The following ZPBP variants were observed in gnomAD, a reference collection of about 807,000 sequenced individuals.
ZPBP encodes the protein zona pellucida binding protein.
ZPBP carries 26 observed loss-of-function variants against 44.8 expected under a neutral mutation model. That is an observed-to-expected ratio of 0.58 (90% CI 0.43 to 0.81). ZPBP has a LOEUF of 0.81. Ranked by LOEUF, ZPBP falls within the 30% of genes least tolerant of loss-of-function variation. The pLI is 0.00. For synonymous variants in ZPBP, 174 were observed against 153.2 expected, an observed-to-expected ratio of 1.14 and a Z score of -1.00; for missense variants, 409 against 434.0, an observed-to-expected ratio of 0.94 and a Z score of 0.51.
At chr7:49,942,018 A>AT (rs1794908283) in intron 7 of ZPBP, among the ~76,000 whole-genome samples, 1 of 152,124 alleles carries the variant, frequency 6.6e-6, no homozygotes, top group East Asian at 1.9e-4. Flanking sequence ...GGAAAGAACA[A>AT]TTTTTTTCAC....
At chr7:49,989,263 G>A (rs749871668) in intron 6 of ZPBP, among the ~76,000 whole-genome samples, 26 of 152,056 alleles carry the variant, frequency 1.7e-4, no homozygotes, top group African/African-American at 5.6e-4. Flanking sequence ...GTCCCTGTAC[G>A]GGGTTCCTAA....
chr7:49,954,813 C>T (rs1267341943), intron 7 of ZPBP, among the ~76,000 whole-genome samples: 1 of 151,932 alleles, frequency 6.6e-6, no homozygotes, highest in Non-Finnish European at 1.5e-5. Flanking sequence ...ACTGATATAA[C>T]AAGTTGAAAA....
At chr7:49,842,172 C>A in the ZPBP span, among the ~76,000 whole-genome samples, 3 of 152,128 alleles carry the variant, frequency 2.0e-5, no homozygotes, top group Non-Finnish European at 1.5e-5. Flanking sequence ...CTGGCCAATT[C>A]AACTCTTTTA....
In ZPBP at chr7:50,058,057, CAT is replaced by C. The variant is rs1801056719; in HGVS notation, c.417_418del (p.Cys140PhefsTer5). ...CACAGTAGGTTTATATTCGAGGAAA[CAT>C]GTATAAATTCCACTCATACTCTCCT... On this transcript the variant is annotated frameshift_variant, in exon 4 of 8. Coordinates refer to ENST00000046087, the MANE Select transcript of ZPBP (RefSeq NM_007009.3). LOFTEE classifies it high-confidence loss of function. 1 of 1,613,486 alleles carries C rather than the reference CAT, an allele frequency of 6.2e-7. No individual in the cohort carries two copies. Among genetic ancestry groups the C allele is most frequent in the Non-Finnish European group, 8.5e-7 (1 of 1,179,700 alleles).
At chr7:49,898,050 A>G (rs1419988763) in intron 2 of ZPBP, among the ~76,000 whole-genome samples, 1 of 152,200 alleles carries the variant, frequency 6.6e-6, no homozygotes, top group Non-Finnish European at 1.5e-5. Context: ...CTGGGTGAAG[A>G]GAAATACTCA....
chr7:49,900,565 A>T (rs1300137089), intron 2 of ZPBP, among the ~76,000 whole-genome samples: 1 of 151,756 alleles, frequency 6.6e-6, no homozygotes, highest in African/African-American at 2.4e-5. Flanking sequence ...AGATGAAATG[A>T]ACCAATTCCT....
intron 3 of ZPBP, among the ~76,000 whole-genome samples, chr7:50,077,204 G>T (rs797019117): frequency 7.0e-6 from 1 of 142,544 alleles, no homozygotes; most frequent in East Asian, 2.0e-4. Context: ...ATATGCAGAA[G>T]AATGAAACCA....
intron 2 of ZPBP, among the ~76,000 whole-genome samples, chr7:50,088,215 C>T (rs1258977343): frequency 6.6e-6 from 1 of 151,936 alleles, no homozygotes; most frequent in African/African-American, 2.4e-5. Flanking sequence ...TAAAACAACT[C>T]GATAGCCATG....
At chr7:50,013,049 C>T (rs1798660014) in intron 6 of ZPBP, among the ~76,000 whole-genome samples, 1 of 151,770 alleles carries the variant, frequency 6.6e-6, no homozygotes, top group African/African-American at 2.4e-5. Flanking sequence ...CCACAAAAAA[C>T]TTAGGAATAA....
chr7:49,875,185 T>A (rs1791349035), intron 2 of ZPBP, among the ~76,000 whole-genome samples: 1 of 151,012 alleles, frequency 6.6e-6, no homozygotes, highest in Admixed American at 6.6e-5. Context: ...GCCTGGCCAA[T>A]ATGGTGAAAC....
intron 7 of ZPBP, among the ~76,000 whole-genome samples, chr7:49,968,950 T>C (rs1242082343): frequency 6.6e-6 from 1 of 151,772 alleles, no homozygotes; most frequent in African/African-American, 2.4e-5. Context: ...TCACAAAAGA[T>C]GACATAATAA....
intron 7 of ZPBP, among the ~76,000 whole-genome samples, chr7:49,975,801 A>G (rs1796486110): frequency 6.6e-6 from 1 of 152,194 alleles, no homozygotes; most frequent in Non-Finnish European, 1.5e-5. Context: ...GGTCTCCAGT[A>G]TCTCAGGAGA....
intron 1 of ZPBP, among the ~76,000 whole-genome samples, chr7:49,924,825 A>ATTTGGGGAG (rs1794167692): frequency 6.6e-6 from 1 of 152,170 alleles, no homozygotes; most frequent in South Asian, 2.1e-4. Context: ...CTGCCCAAGG[A>ATTTGGGGAG]CTTCAGGATT....
intron 7 of ZPBP, among the ~76,000 whole-genome samples, chr7:49,940,078 C>T (rs910041153): frequency 2.0e-5 from 3 of 152,114 alleles, no homozygotes; most frequent in Admixed American, 6.6e-5. Flanking sequence ...TGAATCCCTC[C>T]TTTTCATAAA....
intron 7 of ZPBP, among the ~76,000 whole-genome samples, chr7:49,978,399 A>T (rs1356581632): frequency 6.6e-6 from 1 of 152,158 alleles, no homozygotes; most frequent in East Asian, 1.9e-4. Flanking sequence ...AAATTAATTT[A>T]AAAGTACTAA....
At chr7:50,034,055 A>C (rs956769977) in intron 4 of ZPBP, among the ~76,000 whole-genome samples, 9 of 152,144 alleles carry the variant, frequency 5.9e-5, no homozygotes, top group African/African-American at 2.2e-4. Flanking sequence ...CTTAACAACA[A>C]AACTGGACTC....
chr7:49,934,704 A>T (rs182016179), downstream of ZPBP, among the ~76,000 whole-genome samples: 142 of 152,280 alleles, frequency 9.3e-4, 2 homozygotes, highest in East Asian at 0.026. Context: ...ACAGAAATTA[A>T]TACCATTGGA....
intron 3 of ZPBP, among the ~76,000 whole-genome samples, chr7:50,070,111 C>G (rs1801758837): frequency 2.0e-5 from 3 of 152,132 alleles, no homozygotes; most frequent in African/African-American, 7.2e-5. Flanking sequence ...TACCCCAGGA[C>G]TCCTCATCAG....
At chr7:49,977,354 C>CT (rs371261397) in intron 7 of ZPBP, among the ~76,000 whole-genome samples, 10 of 151,730 alleles carry the variant, frequency 6.6e-5, no homozygotes, top group Non-Finnish European at 1.3e-4. Flanking sequence ...GCAAAGGAAA[C>CT]TTTTTTTTGT....
Sources: allele counts gnomAD v4.1 joint callset (sites outside exome capture counted in the v4.1 genomes callset), GRCh38; gene constraint gnomAD v4.1.1; transcripts MANE v1.5; gene names NCBI Gene and HGNC (gene_info 2026-07-23, HGNC 2026-07-21).